MMRN1: variants seen among roughly 807,000 people sequenced by gnomAD.
The protein encoded by MMRN1 is multimerin-1.
In MMRN1, 94 loss-of-function variants were observed where a neutral mutation model predicts 100.7. The ratio of observed to expected loss-of-function variants is 0.93; its 90% CI spans 0.79 to 1.11. MMRN1 has a LOEUF of 1.11. MMRN1 is among the 50% of genes least tolerant of loss of function. The pLI, the probability that MMRN1 is intolerant of heterozygous loss-of-function variation, is 0.00. For synonymous variants in MMRN1, 575 were observed against 505.0 expected (o/e 1.14, Z -1.86); for missense variants, 1,606 against 1,439.1 (o/e 1.12, Z -1.88).
At chr4:89,912,677 T>A (rs1721792282) in intron 3 of MMRN1, among the ~76,000 whole-genome samples, 1 of 151,020 alleles carries the variant, frequency 6.6e-6, no homozygotes, top group African/African-American at 2.4e-5. Flanking sequence ...CTTTGAAAAA[T>A]AAGATACAGC....
intron 3 of MMRN1, among the ~76,000 whole-genome samples, chr4:89,916,649 ATGTT>A (rs1721929826): frequency 6.6e-6 from 1 of 151,566 alleles, no homozygotes. Flanking sequence ...ACTTCTATGT[ATGTT>A]TATTTTTTAT....
chr4:89,906,876 A>G (rs1431657351), intron 1 of MMRN1, among the ~76,000 whole-genome samples: 1 of 151,278 alleles, frequency 6.6e-6, no homozygotes, highest in Non-Finnish European at 1.5e-5. Context: ...TAGTCATGAG[A>G]TTGTTTTAAT....
chr4:89,952,560 C>T (rs1223037133), intron 7 of MMRN1, among the ~76,000 whole-genome samples: 1 of 152,094 alleles, frequency 6.6e-6, no homozygotes, highest in Non-Finnish European at 1.5e-5. Context: ...TCGTTTTAGC[C>T]TTTAGAAACT....
chr4:89,927,551 A>G (rs1160410893), intron 4 of MMRN1, among the ~76,000 whole-genome samples: 2 of 152,090 alleles, frequency 1.3e-5, no homozygotes, highest in Admixed American at 6.6e-5. Context: ...AGGTCATATC[A>G]TCTGCAGAGA....
rs560661295 is a variant in MMRN1, at chr4:89,928,091, A to AT, written c.1129+131dup. 189 of 665,376 alleles carry AT rather than the reference A, an allele frequency of 2.8e-4. 1 individual carries two copies. Among genetic ancestry groups the AT allele is most frequent in the African/African-American group, 1.7e-3 (88 of 52,868 alleles). The allele number at this position is 665,376 out of a possible 1,614,324, so 41.2% of individuals were successfully genotyped here. A position where few individuals can be genotyped will look rare whatever the true frequency, so the allele number is the denominator to read the frequency against. On this transcript the variant is annotated intron_variant, in intron 5 of 7. Coordinates refer to ENST00000264790, the MANE Select transcript of MMRN1 (RefSeq NM_007351.3). ...TGGGTGGTATGGAAACCTAAGAAAG[A>AT]TTTTTTTTAATGAGATATAAATTCA...
chr4:89,941,234 G>A (rs1467462431), intron 6 of MMRN1, among the ~76,000 whole-genome samples: 7 of 152,240 alleles, frequency 4.6e-5, no homozygotes, highest in East Asian at 3.9e-4. Context: ...CCCCAAATAC[G>A]TGTACGCATT....
Position 89,935,313 on chromosome 4 carries a change from T to C in MMRN1, c.1633T>C (p.Tyr545His). The C allele has an allele frequency of 6.2e-7, 1 of 1,613,716 alleles. No individual in the cohort carries two copies. The highest frequency in any genetic ancestry group is 1.3e-5 in the African/African-American group (1 of 75,016). Residue 545 changes from tyrosine to histidine, a missense_variant, in exon 6 of 8, where the codon TAC (tyrosine) becomes CAC (histidine). Transcript: ENST00000264790. ...GTCAGTTAGCAATAATGTCACTGAG[T>C]ACATGTCTACTTTACATGAAAATAT... ...AESVSNNVTE[Y>H]MSTLHENIKK...
chr4:89,894,792 A>G, upstream of MMRN1: 1 of 1,139,002 alleles, frequency 8.8e-7, no homozygotes. Flanking sequence ...CAAAAACCCT[A>G]CAGAAACAGG....
intron 6 of MMRN1, among the ~76,000 whole-genome samples, chr4:89,945,415 T>C (rs1722957922): frequency 6.6e-6 from 1 of 152,182 alleles, no homozygotes; most frequent in Non-Finnish European, 1.5e-5. Context: ...TTAGAAGGAA[T>C]GACTAACCAC....
chr4:89,889,012 G>T (rs922644987), intron 1 of MMRN1, among the ~76,000 whole-genome samples: 4 of 151,954 alleles, frequency 2.6e-5, no homozygotes, highest in African/African-American at 9.7e-5. Context: ...ATGCTTAAAA[G>T]AATAATAAAG....
chr4:89,908,330 T>C (rs1721635149), intron 1 of MMRN1, among the ~76,000 whole-genome samples: 1 of 151,464 alleles, frequency 6.6e-6, no homozygotes, highest in African/African-American at 2.4e-5. Flanking sequence ...TCTGATAGTT[T>C]ATATAGCCAG....
intron 6 of MMRN1, among the ~76,000 whole-genome samples, chr4:89,945,582 C>T (rs1008027713): frequency 2.0e-5 from 3 of 152,102 alleles, no homozygotes; most frequent in African/African-American, 4.8e-5. Context: ...GAACACTGAA[C>T]ATATTTTAAT....
rs749433116 is a variant in MMRN1 at position 89,935,953 on chromosome 4, A to G, written c.2273A>G (p.Asn758Ser). Residue 758 changes from asparagine to serine, a missense_variant, in exon 6 of 8, where the codon AAT (asparagine) becomes AGT (serine). Transcript: ENST00000264790. ...GAGACTTTAAGTACTATTAAGGATA[A>G]TAGTGAGATCCATCATAAATGTACC... ...LKETLSTIKD[N>S]SEIHHKCTSD... 3.6e-5 allele frequency: 58 copies of G among 1,611,816 alleles called. No individual in the cohort carries two copies. The highest frequency in any genetic ancestry group is 4.8e-5 in the Non-Finnish European group (57 of 1,178,586).
At chr4:89,936,908 T>C (rs1306526261) in intron 6 of MMRN1, 110 bp downstream of exon 6, 13 of 970,566 alleles carry the variant, frequency 1.3e-5, no homozygotes, top group African/African-American at 3.3e-5. Context: ...ATACTTGAAC[T>C]TGGATAGATA....
At position 89,895,540 on chromosome 4, in the gene MMRN1, G is replaced by A. The variant is rs781247540; in HGVS notation, c.569G>A (p.Ser190Asn). The change falls in exon 1 of 8, where the codon AGT becomes AAT. Residue 190 changes from serine (S) to asparagine (N), a missense_variant. Transcript: ENST00000264790. ...RETYLSRGDSSSSQRTDYQKS... is the reference protein window; with the variant it reads ...RETYLSRGDSNSSQRTDYQKS... Reference sequence around the variant, plus strand: ...ACATACCTCAGCCGGGGTGACAGCAGTTCCAGCCAAAGAACTGACTACCAA... The same window carrying A: ...ACATACCTCAGCCGGGGTGACAGCAATTCCAGCCAAAGAACTGACTACCAA... 2.5e-6 allele frequency: 4 copies of A among 1,613,732 alleles called. No individual in the cohort carries two copies. The highest frequency in any genetic ancestry group is 3.4e-6 in the Non-Finnish European group (4 of 1,179,864).
rs774204926 is a variant in MMRN1 at position 89,935,325 on chromosome 4, T to C, written c.1645T>C (p.Leu549=). 1 of 1,613,596 alleles carries C rather than the reference T, an allele frequency of 6.2e-7. No homozygotes were observed. Among genetic ancestry groups the C allele is most frequent in the South Asian group, 1.1e-5 (1 of 91,016 alleles). The change falls in exon 6 of 8, where the codon TTA becomes CTA. Residue 549 remains leucine (L), a synonymous_variant. Transcript: ENST00000264790. ...SNNVTEYMST[L]HENIKKQSLM... ...TAATGTCACTGAGTACATGTCTACT[T>C]TACATGAAAATATAAAGAAGCAGAG...
At position 89,953,326 on chromosome 4, in the gene MMRN1, C is replaced by A. The variant is rs1723245844; in HGVS notation, c.3595C>A (p.Gln1199Lys). 2.5e-6 allele frequency: 4 copies of A among 1,613,744 alleles called. No individual in the cohort carries two copies. Among genetic ancestry groups the A allele is most frequent in the Non-Finnish European group, 3.4e-6 (4 of 1,179,768 alleles). The change falls in exon 8 of 8, where the codon CAG (glutamine) becomes AAG (lysine). Residue 1199 changes from glutamine to lysine, a missense_variant. By Grantham distance (53) the Gln-to-Lys change is moderately conservative. Coordinates refer to ENST00000264790, the MANE Select transcript of MMRN1 (RefSeq NM_007351.3). ...GDALLELNYG[Q>K]EVWLRLAKGT... ...TGCCTTATTAGAATTAAATTATGGG[C>A]AGGAAGTCTGGTTACGACTTGCAAA...
At chr4:89,909,468 A>G in intron 2 of MMRN1, 73 bp downstream of exon 2, 1 of 1,544,332 alleles carries the variant, frequency 6.5e-7, no homozygotes, top group Non-Finnish European at 8.8e-7. Context: ...ATATAATGTT[A>G]TTCATGCAAG....
chr4:89,893,616 A>C (rs997625777), upstream of MMRN1, among the ~76,000 whole-genome samples: 1 of 152,172 alleles, frequency 6.6e-6, no homozygotes, highest in Non-Finnish European at 1.5e-5. Context: ...AATGCCTGGC[A>C]CAGAAGTTGA....
Sources: gnomAD v4.1 joint callset for allele counts (sites outside exome capture counted in the v4.1 genomes callset) on GRCh38, gnomAD v4.1.1 for gene constraint, MANE v1.5 for transcripts, NCBI Gene and HGNC (gene_info 2026-07-23, HGNC 2026-07-21) for gene names.